Variants in ZNF600 observed in about 807,000 individuals in gnomAD.
ZNF600 encodes zinc finger protein 600, also known as zinc finger protein KR-ZNF1.
A neutral mutation model predicts 7.3 loss-of-function variants in ZNF600; 4 were observed. The observed-to-expected ratio is 0.55, with a 90% CI of 0.27 to 1.25. The LOEUF is 1.25. ZNF600 is among the 50% of genes most tolerant of loss of function. The probability of loss-of-function intolerance (pLI) is 0.12; values close to 1 mark genes in which losing one functional copy is unlikely to be tolerated. For synonymous variants in ZNF600, 290 were observed against 308.9 expected (o/e 0.94, Z 0.64); for missense variants, 911 against 922.1 (o/e 0.99, Z 0.16).
chr19:52,821,214 T>C, the ZNF600 span, among the ~76,000 whole-genome samples: 8 of 151,774 alleles, frequency 5.3e-5, no homozygotes, highest in Non-Finnish European at 1.0e-4. Flanking sequence ...GGGACTGGGG[T>C]CGCCGCGCTG....
upstream of ZNF600, among the ~76,000 whole-genome samples, chr19:52,787,551 A>C (rs538973600): frequency 1.4e-4 from 21 of 150,018 alleles, no homozygotes; most frequent in Non-Finnish European, 2.1e-4. Context: ...GAACTACAGG[A>C]GCCCGCCTAA....
exon 1 of ZNF600, chr19:52,786,790 C>T: frequency 5.2e-6 from 2 of 384,508 alleles, no homozygotes; most frequent in East Asian, 7.9e-5. Flanking sequence ...GCGCCCAGGA[C>T]TGAAGCCAGG....
the ZNF600 span, among the ~76,000 whole-genome samples, chr19:52,803,002 C>T: frequency 6.6e-6 from 1 of 152,128 alleles, no homozygotes; most frequent in East Asian, 1.9e-4. Context: ...ACCTTGTGAT[C>T]CCCTTGCCTC....
the ZNF600 span, among the ~76,000 whole-genome samples, chr19:52,810,977 T>C: frequency 7.3e-6 from 1 of 136,972 alleles, no homozygotes; most frequent in African/African-American, 2.6e-5. Flanking sequence ...CTCGGCTCAC[T>C]GCAACCTCCC....
intron 3 of ZNF600, among the ~76,000 whole-genome samples, chr19:52,768,730 G>A (rs999758104): frequency 7.6e-4 from 115 of 151,984 alleles, no homozygotes; most frequent in Non-Finnish European, 1.5e-3. Flanking sequence ...GTTTTTAGTA[G>A]AGATGTGTGG....
At chr19:52,825,663 C>T in the ZNF600 span, among the ~76,000 whole-genome samples, 1 of 151,912 alleles carries the variant, frequency 6.6e-6, no homozygotes, top group Non-Finnish European at 1.5e-5. Context: ...ACCGGTCTCA[C>T]AAAACATACA....
At chr19:52,809,201 A>C in the ZNF600 span, among the ~76,000 whole-genome samples, 1 of 152,324 alleles carries the variant, frequency 6.6e-6, no homozygotes, top group Middle Eastern at 3.4e-3. Context: ...TAGAAGAAGC[A>C]ATCACCCTTT....
the ZNF600 span, among the ~76,000 whole-genome samples, chr19:52,817,043 C>T: frequency 6.6e-6 from 1 of 151,988 alleles, no homozygotes; most frequent in South Asian, 2.1e-4. Flanking sequence ...AATGACTCTC[C>T]TGCTATTATT....
the ZNF600 span, among the ~76,000 whole-genome samples, chr19:52,813,477 C>T: frequency 1.0e-4 from 12 of 119,372 alleles, 1 homozygote; most frequent in Admixed American, 1.7e-4. Context: ...GGTAGGCGGG[C>T]GGGGGTGGTA....
the ZNF600 span, among the ~76,000 whole-genome samples, chr19:52,804,035 C>A: frequency 6.6e-6 from 1 of 152,296 alleles, no homozygotes; most frequent in Middle Eastern, 3.4e-3. Context: ...GATGTTCCTG[C>A]AGATGCAGAC....
the ZNF600 span, chr19:52,800,495 T>C: frequency 2.3e-5 from 37 of 1,613,646 alleles, no homozygotes; most frequent in South Asian, 3.7e-4. Context: ...GAGTTGATTG[T>C]TGATTAAAAA....
At chr19:52,767,497 G>C in exon 4 of ZNF600, 2 of 1,614,142 alleles carry the variant, frequency 1.2e-6, no homozygotes, top group Non-Finnish European at 1.7e-6. Context: ...CTTGATCCAA[G>C]CTGATCTTTA....
the ZNF600 span, among the ~76,000 whole-genome samples, chr19:52,827,244 A>G: frequency 3.5e-5 from 3 of 86,366 alleles, no homozygotes; most frequent in South Asian, 3.0e-4. Context: ...CCCTGTCTCT[A>G]AAAACAAAAA....
the ZNF600 span, among the ~76,000 whole-genome samples, chr19:52,833,239 A>G: frequency 1.3e-5 from 2 of 152,168 alleles, no homozygotes; most frequent in Admixed American, 1.3e-4. Flanking sequence ...ACATCCAGAC[A>G]TGACCCTTGA....
the ZNF600 span, among the ~76,000 whole-genome samples, chr19:52,826,384 A>C: frequency 6.6e-6 from 1 of 151,976 alleles, no homozygotes; most frequent in Non-Finnish European, 1.5e-5. Context: ...CAGCCTGACC[A>C]ATGTGGTGAA....
At chr19:52,797,193 A>G in the ZNF600 span, among the ~76,000 whole-genome samples, 1 of 152,250 alleles carries the variant, frequency 6.6e-6, no homozygotes, top group Non-Finnish European at 1.5e-5. Flanking sequence ...CATCATGGAA[A>G]TCCTACCAAA....
chr19:52,820,388 A>C, the ZNF600 span, among the ~76,000 whole-genome samples: 1 of 123,280 alleles, frequency 8.1e-6, no homozygotes, highest in Non-Finnish European at 1.6e-5. Context: ...AAGTGCTGGG[A>C]TTACAGGCGT....
At chr19:52,794,396 T>C in the ZNF600 span, among the ~76,000 whole-genome samples, 9 of 152,170 alleles carry the variant, frequency 5.9e-5, no homozygotes, top group African/African-American at 1.9e-4. Context: ...TTTCTGGTCT[T>C]ATTCCTCACC....
intron 1 of ZNF600, among the ~76,000 whole-genome samples, chr19:52,782,715 T>C (rs1479498737): frequency 6.6e-6 from 1 of 151,662 alleles, no homozygotes; most frequent in Non-Finnish European, 1.5e-5. Context: ...CTACTAAAAA[T>C]ACAAAAATCG....
Sources: gnomAD v4.1 joint callset for allele counts (sites outside exome capture counted in the v4.1 genomes callset) on GRCh38, gnomAD v4.1.1 for gene constraint, MANE v1.5 for transcripts, NCBI Gene and HGNC (gene_info 2026-07-23, HGNC 2026-07-21) for gene names.